ARHGEF9: variants seen among roughly 807,000 people sequenced by gnomAD.
ARHGEF9 encodes rho guanine nucleotide exchange factor 9.
ARHGEF9 carries 2 observed loss-of-function variants against 41.3 expected under a neutral mutation model. That is an observed-to-expected ratio of 0.05 (90% confidence interval 0.02 to 0.15). The LOEUF (loss-of-function observed/expected upper bound fraction) is 0.15. Ranked by LOEUF, ARHGEF9 falls within the 10% of genes least tolerant of loss-of-function variation. The probability of loss-of-function intolerance (pLI) is 1.00; values close to 1 mark genes in which losing one functional copy is unlikely to be tolerated. For synonymous variants in ARHGEF9, 160 were observed against 154.4 expected (o/e 1.04, Z -0.27); for missense variants, 225 against 424.7 (o/e 0.53, Z 4.13).
At chrX:63,746,664 A>C (rs2055295942) in intron 1 of ARHGEF9, among the ~76,000 whole-genome samples, 1 of 112,253 alleles carries the variant, frequency 8.9e-6, no homozygotes, top group African/African-American at 3.2e-5. Flanking sequence ...TATTTGTTGA[A>C]ATTCTTATTA....
chrX:63,779,890 C>A (rs781933954), intron 1 of ARHGEF9, among the ~76,000 whole-genome samples: 34 of 111,502 alleles, frequency 3.0e-4, no homozygotes, highest in Non-Finnish European at 6.0e-4. Context: ...AAACCCTACT[C>A]CCAATTTTTA....
chrX:63,777,315 C>A (rs184198596), intron 1 of ARHGEF9, among the ~76,000 whole-genome samples: 12 of 111,512 alleles, frequency 1.1e-4, no homozygotes, highest in Middle Eastern at 4.6e-3. Context: ...ACAAGAATAG[C>A]ATGAGGGTAA....
chrX:63,683,996 A>G (rs1458526645), intron 4 of ARHGEF9, among the ~76,000 whole-genome samples: 1 of 111,220 alleles, frequency 9.0e-6, no homozygotes, highest in East Asian at 2.8e-4. Context: ...GCTGCTATGC[A>G]GAAAAAAAAA....
chrX:63,691,236 C>T (rs1425714988), intron 4 of ARHGEF9, among the ~76,000 whole-genome samples: 1 of 110,937 alleles, frequency 9.0e-6, no homozygotes, highest in African/African-American at 3.3e-5. Flanking sequence ...TTAGAAAAAC[C>T]TAAAGACTAC....
At chrX:63,770,636 C>A (rs1446106015) in intron 1 of ARHGEF9, among the ~76,000 whole-genome samples, 1 of 111,673 alleles carries the variant, frequency 9.0e-6, no homozygotes, top group South Asian at 3.8e-4. Context: ...GTGTCCCCAC[C>A]CAAATCTCAC....
chrX:63,736,116 C>T (rs1406095950), intron 1 of ARHGEF9, among the ~76,000 whole-genome samples: 2 of 111,722 alleles, frequency 1.8e-5, no homozygotes, highest in African/African-American at 6.5e-5. Context: ...GCTGGCTTCC[C>T]CTCAGACCTT....
intron 1 of ARHGEF9, among the ~76,000 whole-genome samples, chrX:63,740,752 C>G (rs1264090332): frequency 2.7e-5 from 3 of 111,925 alleles, no homozygotes; most frequent in African/African-American, 9.7e-5. Flanking sequence ...CACTCAGACC[C>G]AATCTAGGGC....
chrX:63,695,888 C>A (rs2051712832), intron 4 of ARHGEF9, among the ~76,000 whole-genome samples: 1 of 111,658 alleles, frequency 9.0e-6, no homozygotes, highest in African/African-American at 3.3e-5. Flanking sequence ...AATGAGTTTT[C>A]TTGGCAGACA....
intron 1 of ARHGEF9, among the ~76,000 whole-genome samples, chrX:63,783,777 C>G (rs2056419129): frequency 9.0e-6 from 1 of 111,638 alleles, no homozygotes; most frequent in Admixed American, 9.5e-5. Flanking sequence ...TCCCAGCTTT[C>G]CTGGCTGGAC....
chrX:63,681,482 C>T (rs1312970083), intron 4 of ARHGEF9, among the ~76,000 whole-genome samples: 1 of 111,546 alleles, frequency 9.0e-6, no homozygotes, highest in African/African-American at 3.3e-5. Context: ...AGAAATTAAA[C>T]AACATATCCC....
chrX:63,643,326 G>T (rs2047761209), intron 9 of ARHGEF9, among the ~76,000 whole-genome samples: 1 of 110,273 alleles, frequency 9.1e-6, no homozygotes, highest in Non-Finnish European at 1.9e-5. Context: ...CATGCCTCCA[G>T]ACCGGTGACA....
intron 1 of ARHGEF9, among the ~76,000 whole-genome samples, chrX:63,730,787 C>T (rs1270183595): frequency 2.1e-4 from 24 of 111,919 alleles, no homozygotes; most frequent in Admixed American, 1.7e-3. Context: ...TTCCTATCTA[C>T]AAGGCCTTCC....
chrX:63,740,347 T>C (rs1218107077), intron 1 of ARHGEF9, among the ~76,000 whole-genome samples: 1 of 112,271 alleles, frequency 8.9e-6, no homozygotes, highest in Non-Finnish European at 1.9e-5. Flanking sequence ...CTTTGCTGTC[T>C]ACAGCTACTC....
At chrX:63,782,617 A>G (rs782625907) in intron 1 of ARHGEF9, among the ~76,000 whole-genome samples, 1 of 112,800 alleles carries the variant, frequency 8.9e-6, no homozygotes, top group South Asian at 3.7e-4. Context: ...CTACAGTCAA[A>G]TGTACTAAAA....
chrX:63,755,283 G>A (rs1556445958), intron 1 of ARHGEF9: 2 of 900,907 alleles, frequency 2.2e-6, no homozygotes, highest in African/African-American at 4.1e-5. Context: ...TGCTAGCCGC[G>A]ACCGCCAATC....
chrX:63,664,058 G>C, intron 7 of ARHGEF9, among the ~76,000 whole-genome samples: 1 of 111,688 alleles, frequency 9.0e-6, no homozygotes, highest in Non-Finnish European at 1.9e-5. Flanking sequence ...CTGCTTCGAG[G>C]TTTCTCTTGT....
chrX:63,678,723 A>C (rs1305943463), intron 4 of ARHGEF9, 151 bp from the exon 5 acceptor site: 16 of 469,278 alleles, frequency 3.4e-5, no homozygotes, highest in Non-Finnish European at 5.8e-5. Flanking sequence ...TTTAATAATA[A>C]ATATCAAAAC....
chrX:63,670,191 T>C (rs1460309956), intron 6 of ARHGEF9: 1 of 111,788 alleles, frequency 8.9e-6, no homozygotes, highest in African/African-American at 3.3e-5. Flanking sequence ...ACAAGGGGAA[T>C]GCCATACTTT....
chrX:63,642,996 T>A (rs1319943655), intron 9 of ARHGEF9: 3 of 111,834 alleles, frequency 2.7e-5, no homozygotes, highest in African/African-American at 9.7e-5. Flanking sequence ...AGCTACCTCA[T>A]CTGAGAAATA....
Sources: allele counts gnomAD v4.1 joint callset (sites outside exome capture counted in the v4.1 genomes callset), GRCh38; gene constraint gnomAD v4.1.1; transcripts MANE v1.5; gene names NCBI Gene and HGNC (gene_info 2026-07-23, HGNC 2026-07-21).